RABEPK: variants seen among roughly 807,000 people sequenced by gnomAD.
RABEPK encodes Rab9 effector protein with kelch motifs, also known as 40 kDa Rab9 effector protein.
In RABEPK, 27 loss-of-function variants were observed where a neutral mutation model predicts 34.1. The observed-to-expected ratio is 0.79, with a 90% CI of 0.58 to 1.09. The LOEUF is 1.09. Among genes scored for constraint, RABEPK ranks in the 50% least tolerant of loss-of-function variants. RABEPK has a pLI of 0.00. For missense variants in RABEPK, 449 were observed against 462.6 expected (o/e 0.97, Z 0.27); for synonymous variants, 172 against 169.2 (o/e 1.02, Z -0.13).
chr9:125,220,018 A>G (rs1831211695), intron 4 of RABEPK, among the ~76,000 whole-genome samples: 1 of 151,694 alleles, frequency 6.6e-6, no homozygotes, highest in African/African-American at 2.4e-5. Context: ...TTTTTTTTTA[A>G]TATGGAGCCT....
Position 125,232,687 on chromosome 9 carries a change from C to T in RABEPK, c.768C>T (p.Tyr256=). The T allele has an allele frequency of 1.2e-6, 2 of 1,614,122 alleles. No individual in the cohort carries two copies. The highest frequency in any genetic ancestry group is 1.7e-6 in the Non-Finnish European group (2 of 1,179,988). The part of the protein sequence containing the change: ...HSAVAMGKHV[Y]IFGGMTPAGA... Reference sequence around the variant, plus strand: ...CTGTGGCCATGGGAAAACATGTGTACATCTTTGGTGGAATGACTCCTGCAG... The same window carrying T: ...CTGTGGCCATGGGAAAACATGTGTATATCTTTGGTGGAATGACTCCTGCAG... Residue 256 remains tyrosine, a synonymous_variant, in exon 7 of 8, where the codon TAC becomes TAT. Transcript: ENST00000373538.
intron 5 of RABEPK, among the ~76,000 whole-genome samples, chr9:125,226,014 G>T (rs906194902): frequency 6.6e-6 from 1 of 151,512 alleles, no homozygotes; most frequent in Non-Finnish European, 1.5e-5. Flanking sequence ...GCTGGGCGTG[G>T]TGGTGCACAC....
intron 2 of RABEPK, 123 bp from the exon 3 acceptor site, chr9:125,207,441 G>A (rs1385829320): frequency 4.9e-6 from 5 of 1,028,722 alleles, no homozygotes; most frequent in Non-Finnish European, 7.3e-6. Context: ...GCTTTATTGG[G>A]TACAATTTAA....
chr9:125,232,251 CAG>C lies in RABEPK; in HGVS notation c.677-327_677-326del, dbSNP rs34634332. On this transcript the variant is annotated intron_variant, in intron 6 of 7. Coordinates refer to ENST00000373538, the MANE Select transcript of RABEPK (RefSeq NM_005833.4). ...ACACACACACACACACACACAGAGA[CAG>C]AGAGAGAGAGAGAGAGAAACTGAGC... Among the ~76,000 whole-genome samples, 104 of 149,058 alleles carry C rather than the reference CAG, an allele frequency of 7.0e-4. 1 individual carries two copies. The highest frequency in any genetic ancestry group is 1.2e-3 in the African/African-American group (47 of 40,542).
intron 2 of RABEPK, among the ~76,000 whole-genome samples, chr9:125,204,321 C>A (rs1409300369): frequency 6.6e-6 from 1 of 151,856 alleles, no homozygotes; most frequent in Non-Finnish European, 1.5e-5. Flanking sequence ...ATAGCTCATG[C>A]CTATAATCCT....
chr9:125,203,103 G>A (rs1830009214), intron 2 of RABEPK, 37 bp downstream of exon 2: 3 of 1,576,940 alleles, frequency 1.9e-6, no homozygotes, highest in Non-Finnish European at 2.6e-6. Flanking sequence ...AAAAGCATGA[G>A]TTTTTGTTTC....
At chr9:125,212,096 T>C (rs1460625415) in intron 3 of RABEPK, among the ~76,000 whole-genome samples, 1 of 152,208 alleles carries the variant, frequency 6.6e-6, no homozygotes, top group African/African-American at 2.4e-5. Context: ...ATCTCAACCA[T>C]CTGGACCTCA....
In RABEPK at chr9:125,233,947, C is replaced by T. The variant is rs1588426465; in HGVS notation, c.1086C>T (p.Ile362=). The T allele has an allele frequency of 1.2e-6, 2 of 1,612,994 alleles. No individual in the cohort carries two copies. Among genetic ancestry groups the T allele is most frequent in the Non-Finnish European group, 8.5e-7 (1 of 1,178,994 alleles). ...GTGGGATGAATACAGAAGGGGAAAT[C>T]TATGACGATTGTATTGTGACTGTAG... ...VFGGMNTEGE[I]YDDCIVTVVD is the part of the protein sequence containing the mutation. The change falls in exon 8 of 8, where the codon ATC becomes ATT. Residue 362 remains isoleucine (I), a synonymous_variant. Coordinates refer to ENST00000373538, the MANE Select transcript of RABEPK (RefSeq NM_005833.4).
chr9:125,220,336 C>G (rs1159769784), intron 4 of RABEPK: 1 of 1,445,190 alleles, frequency 6.9e-7, no homozygotes, highest in African/African-American at 1.4e-5. Flanking sequence ...GCTTTTAAAT[C>G]TTGGGGATTT....
chr9:125,220,505 G>A (rs759718483), intron 4 of RABEPK, 34 bp from the exon 5 acceptor site: 1 of 1,595,428 alleles, frequency 6.3e-7, no homozygotes, highest in Admixed American at 1.7e-5. Flanking sequence ...CCTCTACCTG[G>A]ATATTTTAAG....
At chr9:125,216,242 G>A (rs921444168) in intron 4 of RABEPK, among the ~76,000 whole-genome samples, 8 of 151,988 alleles carry the variant, frequency 5.3e-5, no homozygotes, top group African/African-American at 9.7e-5. Flanking sequence ...GCAATGTGCC[G>A]AGATCATGCC....
intron 1 of RABEPK, 34 bp from the exon 2 acceptor site, chr9:125,202,974 G>A (rs745732332): frequency 8.3e-6 from 13 of 1,570,650 alleles, no homozygotes; most frequent in East Asian, 6.7e-5. Context: ...ATAATCATAA[G>A]TGTCTAAAAA....
intron 5 of RABEPK, among the ~76,000 whole-genome samples, chr9:125,223,760 C>G (rs1831530242): frequency 6.8e-6 from 1 of 147,320 alleles, no homozygotes; most frequent in Non-Finnish European, 1.5e-5. Flanking sequence ...CTATAAGGAA[C>G]ATATTTATGC....
intron 6 of RABEPK, 69 bp downstream of exon 6, chr9:125,228,128 G>A: frequency 8.1e-7 from 1 of 1,227,848 alleles, no homozygotes; most frequent in Non-Finnish European, 1.1e-6. Context: ...TTTTAGACAG[G>A]ATCTCTGTCT....
At position 125,227,910 on chromosome 9, in the gene RABEPK, A is replaced by G; in HGVS notation, c.527A>G (p.Asn176Ser). 6.4e-7 allele frequency: 1 copy of G among 1,559,654 alleles called. No individual in the cohort carries two copies. Among genetic ancestry groups the G allele is most frequent in the Non-Finnish European group, 8.7e-7 (1 of 1,153,180 alleles). The change falls in exon 6 of 8, where the codon AAC (asparagine) becomes AGC (serine). Residue 176 changes from asparagine (N) to serine (S), a missense_variant and splice_region_variant. Asn to Ser is a conservative substitution (Grantham distance 46). Transcript: ENST00000373538. ...QDTKLHVFDA[N>S]TLTWSQPETL... is the part of the protein sequence containing the mutation. ...GATGTTATTGAATTTACTTTTCTAG[A>G]CACTCTGACCTGGTCACAGCCAGAG...
In RABEPK at chr9:125,233,954, G is replaced by A. The variant is rs764656620; in HGVS notation, c.1093G>A (p.Asp365Asn). The change falls in exon 8 of 8, where the codon GAT (aspartate) becomes AAT (asparagine). Residue 365 changes from aspartate to asparagine, a missense_variant. By Grantham distance (23) the Asp-to-Asn change is conservative. Transcript: ENST00000373538. Reference sequence around the variant, plus strand: ...GAATACAGAAGGGGAAATCTATGACGATTGTATTGTGACTGTAGTGGACTA... The same window carrying A: ...GAATACAGAAGGGGAAATCTATGACAATTGTATTGTGACTGTAGTGGACTA... ...GMNTEGEIYD[D>N]CIVTVVD 3.1e-6 allele frequency: 5 copies of A among 1,612,414 alleles called. No individual in the cohort carries two copies. Among genetic ancestry groups the A allele is most frequent in the South Asian group, 1.1e-5 (1 of 91,044 alleles).
At position 125,203,031 on chromosome 9, in the gene RABEPK, C is replaced by A; in HGVS notation, c.18C>A (p.Val6=). MKQLP[V]LEPGDKPRKA... ...AGGACACCATGAAGCAACTGCCAGT[C>A]TTGGAACCTGGAGACAAGCCCAGGA... The change falls in exon 2 of 8, where the codon GTC becomes GTA. Residue 6 remains valine, a synonymous_variant. Transcript: ENST00000373538. The A allele has an allele frequency of 3.1e-6, 5 of 1,613,726 alleles. No homozygotes were observed. Among genetic ancestry groups the A allele is most frequent in the Non-Finnish European group, 4.2e-6 (5 of 1,179,786 alleles).
chr9:125,232,482 C>G, intron 6 of RABEPK, 114 bp from the exon 7 acceptor site: 5 of 1,241,090 alleles, frequency 4.0e-6, no homozygotes, highest in Non-Finnish European at 5.5e-6. Flanking sequence ...CTAAACCTCT[C>G]AGAGCTCTTG....
rs1307075330 is a variant in RABEPK, at chr9:125,213,465, G to A, written c.307G>A (p.Val103Ile). 1.1e-5 allele frequency: 18 copies of A among 1,613,926 alleles called. No individual in the cohort carries two copies. Among genetic ancestry groups the A allele is most frequent in the Non-Finnish European group, 1.5e-5 (18 of 1,180,008 alleles). The part of the protein sequence containing the change: ...IPSCTPDRIW[V>I]FGGANQSGNR... ...CTCCTGCACACCTGACCGTATCTGG[G>A]TATTTGGAGGTGCCAACCAATCAGG... Residue 103 changes from valine (V) to isoleucine (I), a missense_variant, in exon 4 of 8, where the codon GTA becomes ATA. Val to Ile is a conservative substitution (Grantham distance 29). Coordinates refer to ENST00000373538, the MANE Select transcript of RABEPK (RefSeq NM_005833.4).
Sources: allele counts gnomAD v4.1 joint callset (sites outside exome capture counted in the v4.1 genomes callset), GRCh38; gene constraint gnomAD v4.1.1; transcripts MANE v1.5; gene names NCBI Gene and HGNC (gene_info 2026-07-23, HGNC 2026-07-21).